The following WWTR1 variants were observed in gnomAD, a reference collection of about 807,000 sequenced individuals.
WWTR1 encodes WW domain containing transcription regulator 1.
A neutral mutation model predicts 40.1 loss-of-function variants in WWTR1; 13 were observed. The ratio of observed to expected loss-of-function variants is 0.32; its 90% CI spans 0.21 to 0.52. The LOEUF is 0.52. WWTR1 is among the 20% of genes least tolerant of loss of function. The probability of loss-of-function intolerance (pLI) is 0.97; values close to 1 mark genes in which losing one functional copy is unlikely to be tolerated. For missense variants in WWTR1, 436 were observed against 523.1 expected (o/e 0.83, Z 1.63); for synonymous variants, 230 against 210.1 (o/e 1.09, Z -0.82).
chr3:149,539,423 T>TCCCAGA (rs1392341518), intron 4 of WWTR1, among the ~76,000 whole-genome samples: 1 of 152,002 alleles, frequency 6.6e-6, no homozygotes, highest in Admixed American at 6.6e-5. Context: ...CCAGACAGGC[T>TCCCAGA]CAGTTGGTAG....
intron 1 of WWTR1, among the ~76,000 whole-genome samples, chr3:149,676,693 G>C (rs186734414): frequency 1.7e-4 from 26 of 152,206 alleles, no homozygotes; most frequent in Non-Finnish European, 2.8e-4. Context: ...ATTCTAAACC[G>C]GGTCTGCCTA....
At chr3:149,699,808 C>T (rs1349675214) in intron 1 of WWTR1, among the ~76,000 whole-genome samples, 1 of 152,176 alleles carries the variant, frequency 6.6e-6, no homozygotes, top group Non-Finnish European at 1.5e-5. Flanking sequence ...CAGTTCCAAA[C>T]CTTCTCTCAT....
rs1461815503 is a variant in WWTR1 at position 149,519,883 on chromosome 3, CA to C, written c.*921del. On this transcript the variant is annotated 3_prime_UTR_variant, in exon 7 of 7. Coordinates refer to ENST00000360632, the MANE Select transcript of WWTR1 (RefSeq NM_015472.6). The stretch of plus-strand genomic sequence containing the variant: ...GCTTGAACCCAGAAGGCAGAGGTTG[CA>C]GTGAGCCGAGATTGTGCCATTGCAT... 1.3e-5 allele frequency: 2 copies of C among 151,894 alleles called. No homozygotes were observed. Among genetic ancestry groups the C allele is most frequent in the African/African-American group, 2.4e-5 (1 of 41,334 alleles). 9.4% of individuals were successfully genotyped at this position (151,894 alleles called of 1,614,324 possible).
intron 3 of WWTR1, among the ~76,000 whole-genome samples, chr3:149,557,227 C>A (rs776539737): frequency 6.6e-6 from 1 of 151,934 alleles, no homozygotes; most frequent in Non-Finnish European, 1.5e-5. Flanking sequence ...CCCACCACCA[C>A]GCCCAGCTAA....
intron 2 of WWTR1, among the ~76,000 whole-genome samples, chr3:149,610,838 T>A (rs1739704250): frequency 6.6e-6 from 1 of 152,180 alleles, no homozygotes; most frequent in Admixed American, 6.5e-5. Context: ...GCCTGGACAC[T>A]GCTGTTCATA....
intron 1 of WWTR1, chr3:149,702,650 T>A (rs1307667163): frequency 6.6e-6 from 1 of 151,976 alleles, no homozygotes; most frequent in Non-Finnish European, 1.5e-5. Context: ...TTGACTTTAC[T>A]CTTGAAACCA....
intron 5 of WWTR1, among the ~76,000 whole-genome samples, chr3:149,716,304 C>A (rs912529199): frequency 6.6e-6 from 1 of 151,918 alleles, no homozygotes; most frequent in South Asian, 2.1e-4. Flanking sequence ...ATTGCTGGAA[C>A]CTGGAAGGCA....
chr3:149,686,469 A>T (rs1010655), intron 1 of WWTR1, among the ~76,000 whole-genome samples: 29,234 of 152,018 alleles, frequency 0.19, 3,926 homozygotes, highest in African/African-American at 0.38. Context: ...TGGTCATACC[A>T]ATGAATACCT....
At chr3:149,579,650 A>G (rs1255108853) in intron 2 of WWTR1, among the ~76,000 whole-genome samples, 1 of 152,224 alleles carries the variant, frequency 6.6e-6, no homozygotes. Flanking sequence ...TAGCTCTTAA[A>G]AAACAAAAAA....
intron 2 of WWTR1, among the ~76,000 whole-genome samples, chr3:149,582,098 C>T (rs1377117716): frequency 6.6e-6 from 1 of 152,092 alleles, no homozygotes; most frequent in African/African-American, 2.4e-5. Context: ...ATCAAGACAG[C>T]CCCAGGTGTG....
chr3:149,542,561 A>C (rs1213425394), intron 3 of WWTR1, 24 bp from the exon 4 acceptor site: 1 of 1,588,736 alleles, frequency 6.3e-7, no homozygotes, highest in Non-Finnish European at 8.6e-7. Context: ...GAACATACAG[A>C]TTAATGACCA....
chr3:149,721,004 T>G (rs1715746583), intron 4 of WWTR1, among the ~76,000 whole-genome samples: 1 of 152,150 alleles, frequency 6.6e-6, no homozygotes, highest in South Asian at 2.1e-4. Flanking sequence ...AATTGTAACT[T>G]TTTTGTGTGT....
chr3:149,631,033 C>G (rs1211630733), intron 2 of WWTR1, among the ~76,000 whole-genome samples: 1 of 152,128 alleles, frequency 6.6e-6, no homozygotes, highest in Non-Finnish European at 1.5e-5. Flanking sequence ...AGTATGTCAG[C>G]CTGGAAATGT....
chr3:149,714,810 C>T (rs1014286635), intron 5 of WWTR1, among the ~76,000 whole-genome samples: 3 of 152,142 alleles, frequency 2.0e-5, no homozygotes, highest in Non-Finnish European at 4.4e-5. Flanking sequence ...GGCCCATCCA[C>T]GGCCACCCAT....
intron 3 of WWTR1, among the ~76,000 whole-genome samples, chr3:149,554,010 G>C (rs538681493): frequency 1.3e-3 from 196 of 152,212 alleles, no homozygotes; most frequent in Non-Finnish European, 2.2e-3. Flanking sequence ...TGAGCCGCTT[G>C]TTTCTCTTAT....
At chr3:149,538,965 T>A (rs971344915) in intron 4 of WWTR1, among the ~76,000 whole-genome samples, 4 of 152,184 alleles carry the variant, frequency 2.6e-5, no homozygotes, top group Non-Finnish European at 4.4e-5. Context: ...GATAAAGGAA[T>A]GAAGGAAGGA....
chr3:149,660,575 T>C (rs1347071873), upstream of WWTR1, among the ~76,000 whole-genome samples: 1 of 152,234 alleles, frequency 6.6e-6, no homozygotes, highest in East Asian at 1.9e-4. Context: ...AGCTTCAGAT[T>C]AAATAACATT....
chr3:149,634,781 T>C (rs1357587724), intron 2 of WWTR1, among the ~76,000 whole-genome samples: 1 of 152,224 alleles, frequency 6.6e-6, no homozygotes, highest in African/African-American at 2.4e-5. Context: ...TTCACACGGA[T>C]GTGCTTTCCA....
upstream of WWTR1, among the ~76,000 whole-genome samples, chr3:149,706,928 C>T (rs565350407): frequency 1.3e-5 from 2 of 152,212 alleles, no homozygotes; most frequent in South Asian, 4.2e-4. Flanking sequence ...TAAGGTTTTG[C>T]GCAAGACTTT....
Sources: allele counts gnomAD v4.1 joint callset (sites outside exome capture counted in the v4.1 genomes callset), GRCh38; gene constraint gnomAD v4.1.1; transcripts MANE v1.5; gene names NCBI Gene and HGNC (gene_info 2026-07-23, HGNC 2026-07-21).